JPH3: variants seen among roughly 807,000 people sequenced by gnomAD.
JPH3 encodes junctophilin-3.
In JPH3, 11 loss-of-function variants were observed where a neutral mutation model predicts 59.6. The ratio of observed to expected loss-of-function variants is 0.18; its 90% CI spans 0.12 to 0.31. JPH3 has a LOEUF of 0.31. JPH3 is among the 10% of genes least tolerant of loss of function. The probability of loss-of-function intolerance (pLI) is 1.00; values close to 1 mark genes in which losing one functional copy is unlikely to be tolerated. For missense variants in JPH3, 1,202 were observed against 1,105.7 expected (o/e 1.09, Z -1.24); for synonymous variants, 673 against 483.6 (o/e 1.39, Z -5.14).
intron 1 of JPH3, 107 bp from the exon 2 acceptor site, chr16:87,644,151 C>A: frequency 1.6e-6 from 2 of 1,227,214 alleles, no homozygotes; most frequent in Non-Finnish European, 2.3e-6. Context: ...AAACACAAAA[C>A]AACAGGAAGC....
intron 2 of JPH3, among the ~76,000 whole-genome samples, chr16:87,674,408 C>T (rs1201166884): frequency 6.6e-6 from 1 of 152,208 alleles, no homozygotes; most frequent in Non-Finnish European, 1.5e-5. Flanking sequence ...AGGTTTCTAG[C>T]ATGTGAGAGT....
rs554715654 is a variant in JPH3 at position 87,638,745 on chromosome 16, C to G, written c.383-5513C>G. On this transcript the variant is annotated intron_variant, in intron 1 of 4. Transcript: ENST00000284262. ...GTAGAGAGGCTTCTCTGCTTCCCCTCCTGTAGAATGGGAACGACAACATCC... is the reference window on the plus strand; with the variant it reads ...GTAGAGAGGCTTCTCTGCTTCCCCTGCTGTAGAATGGGAACGACAACATCC... 4.6e-5 allele frequency among the ~76,000 whole-genome samples: 7 copies of G among 152,280 alleles called. No homozygotes were observed. The South Asian group carries it at 6.2e-4, about 14-fold the overall frequency.
intron 2 of JPH3, among the ~76,000 whole-genome samples, chr16:87,683,219 C>A (rs914166309): frequency 1.3e-5 from 2 of 152,198 alleles, no homozygotes; most frequent in Admixed American, 1.3e-4. Context: ...CACAGCACAG[C>A]GGGCCGGCAC....
intron 2 of JPH3, among the ~76,000 whole-genome samples, chr16:87,667,529 C>G (rs777709909): frequency 4.6e-5 from 7 of 152,196 alleles, no homozygotes; most frequent in South Asian, 2.1e-4. Flanking sequence ...GACCCTTTAT[C>G]TGGTCTTTGG....
intron 1 of JPH3, among the ~76,000 whole-genome samples, chr16:87,639,693 C>A (rs1209934851): frequency 6.6e-6 from 1 of 151,262 alleles, no homozygotes; most frequent in Non-Finnish European, 1.5e-5. Flanking sequence ...GCCCCTCGCA[C>A]CCTCCGTTCT....
intron 4 of JPH3, chr16:87,694,905 A>G (rs2033749813): frequency 4.5e-6 from 1 of 220,302 alleles, no homozygotes; most frequent in South Asian, 7.0e-5. Context: ...TCTCTGTGGC[A>G]GCCGCGGTTG....
chr16:87,652,013 T>C (rs1265349013), intron 2 of JPH3, among the ~76,000 whole-genome samples: 1 of 152,154 alleles, frequency 6.6e-6, no homozygotes. Flanking sequence ...CTCGCTCTGT[T>C]GCCCAGGCTG....
At chr16:87,683,200 A>G (rs1368161302) in intron 2 of JPH3, among the ~76,000 whole-genome samples, 1 of 152,264 alleles carries the variant, frequency 6.6e-6, no homozygotes, top group Non-Finnish European at 1.5e-5. Context: ...GGCAGGAAGC[A>G]CAGACACACA....
chr16:87,691,519 T>C (rs887960304), intron 4 of JPH3, among the ~76,000 whole-genome samples: 1 of 151,956 alleles, frequency 6.6e-6, no homozygotes, highest in African/African-American at 2.4e-5. Context: ...GGACCATTGG[T>C]AGGTTTATTG....
chr16:87,634,196 C>G (rs57599306), intron 1 of JPH3, among the ~76,000 whole-genome samples: 11,729 of 152,168 alleles, frequency 0.077, 1,344 homozygotes, highest in African/African-American at 0.25. Context: ...CTCTCACTGT[C>G]ACGTTGGACC....
At chr16:87,655,784 C>G (rs1158675984) in intron 2 of JPH3, among the ~76,000 whole-genome samples, 3 of 152,254 alleles carry the variant, frequency 2.0e-5, no homozygotes, top group Admixed American at 2.0e-4. Flanking sequence ...GGGAACCAGT[C>G]TGGCCATCTC....
intron 2 of JPH3, among the ~76,000 whole-genome samples, chr16:87,650,237 C>G (rs2150850065): frequency 6.6e-6 from 1 of 152,334 alleles, no homozygotes; most frequent in East Asian, 1.9e-4. Context: ...TATATCTGTT[C>G]ATGGTGATCT....
chr16:87,661,672 A>G (rs1183235650), intron 2 of JPH3, among the ~76,000 whole-genome samples: 2 of 152,244 alleles, frequency 1.3e-5, no homozygotes, highest in Admixed American at 1.3e-4. Flanking sequence ...GAGTCACGGG[A>G]CAGCCCTGTC....
At chr16:87,628,715 C>T (rs1417433724) in intron 1 of JPH3, among the ~76,000 whole-genome samples, 2 of 152,162 alleles carry the variant, frequency 1.3e-5, no homozygotes, top group Non-Finnish European at 2.9e-5. Flanking sequence ...AAACCCCTAG[C>T]GTGGCCCGGA....
rs1286218585 is a variant in JPH3 at position 87,677,219 on chromosome 16, CACACACAAAAAAAA to C, written c.1161-6921_1161-6908del. 5.0e-4 allele frequency among the ~76,000 whole-genome samples: 60 copies of C among 120,968 alleles called. 1 individual carries two copies. Among genetic ancestry groups the C allele is most frequent in the East Asian group, 2.2e-3 (8 of 3,704 alleles). The allele number at this position is 120,968 out of a possible 152,430, so 79.4% of individuals were successfully genotyped here. On this transcript the variant is annotated intron_variant, in intron 2 of 4. Transcript: ENST00000284262. Reference sequence around the variant, plus strand: ...ACACACACACACACACACACACACACACACACAAAAAAAAAAATTAGCCGGGTGTGGTGGGCGCC... The same window carrying C: ...ACACACACACACACACACACACACACAAATTAGCCGGGTGTGGTGGGCGCC...
chr16:87,696,705 G>A lies in JPH3; in HGVS notation c.*45G>A, dbSNP rs1478037481. 2 of 1,513,862 alleles carry A rather than the reference G, an allele frequency of 1.3e-6. No individual in the cohort carries two copies. Among genetic ancestry groups the A allele is most frequent in the East Asian group, 2.3e-5 (1 of 44,406 alleles). The allele number at this position is 1,513,862 out of a possible 1,614,324, so 93.8% of individuals were successfully genotyped here. On this transcript the variant is annotated 3_prime_UTR_variant, in exon 5 of 5. Coordinates refer to ENST00000284262, the MANE Select transcript of JPH3 (RefSeq NM_020655.4). ...AAATAGAGAAAGGGTAGAAAAAAGG[G>A]ACATTAAAATTAAAAGCAAAACCAC...
At chr16:87,628,382 C>T (rs2031452963) in intron 1 of JPH3, among the ~76,000 whole-genome samples, 2 of 152,256 alleles carry the variant, frequency 1.3e-5, no homozygotes, top group South Asian at 4.1e-4. Context: ...TCAGAGTGAG[C>T]CCCCATCCCT....
At chr16:87,625,920 T>C (rs1336876045) in intron 1 of JPH3, among the ~76,000 whole-genome samples, 2 of 152,026 alleles carry the variant, frequency 1.3e-5, no homozygotes, top group African/African-American at 2.4e-5. Context: ...AACCCAAAAC[T>C]CAGGGCCTCA....
intron 2 of JPH3, among the ~76,000 whole-genome samples, chr16:87,657,384 C>A (rs974441358): frequency 1.3e-5 from 2 of 151,982 alleles, no homozygotes; most frequent in Non-Finnish European, 2.9e-5. Context: ...ACTGGGTTAC[C>A]AGGGGCTGGG....
Sources: gnomAD v4.1 joint callset for allele counts (sites outside exome capture counted in the v4.1 genomes callset) on GRCh38, gnomAD v4.1.1 for gene constraint, MANE v1.5 for transcripts, NCBI Gene and HGNC (gene_info 2026-07-23, HGNC 2026-07-21) for gene names.